The following CDH18 variants were observed in gnomAD, a reference collection of about 807,000 sequenced individuals.
CDH18 encodes the protein cadherin 18.
CDH18 carries 31 observed loss-of-function variants against 67.9 expected under a neutral mutation model. The observed-to-expected ratio is 0.46, with a 90% CI of 0.34 to 0.62. The LOEUF (loss-of-function observed/expected upper bound fraction) is 0.62, where lower values mean the gene tolerates loss of function less well. Ranked by LOEUF, CDH18 falls within the 20% of genes least tolerant of loss-of-function variation. The pLI is 0.01. For synonymous variants in CDH18, 362 were observed against 347.2 expected, an observed-to-expected ratio of 1.04 and a Z score of -0.48; for missense variants, 890 against 975.5, an observed-to-expected ratio of 0.91 and a Z score of 1.17.
At chr5:19,990,676 T>C (rs1799930362), upstream of CDH18, among the ~76,000 whole-genome samples, 1 of 152,182 alleles carries the variant, frequency 6.6e-6, no homozygotes, top group South Asian at 2.1e-4. Flanking sequence ...GAGTTTGACA[T>C]TCTGAAACTG....
intron 6 of CDH18, among the ~76,000 whole-genome samples, chr5:19,593,215 A>G (rs1292865006): frequency 6.6e-6 from 1 of 152,068 alleles, no homozygotes; most frequent in Non-Finnish European, 1.5e-5. Flanking sequence ...TAGTAATTTT[A>G]CTTTTAATTT....
At chr5:19,986,982 T>A (rs1347879606) in intron 1 of CDH18, among the ~76,000 whole-genome samples, 1 of 152,170 alleles carries the variant, frequency 6.6e-6, no homozygotes, top group African/African-American at 2.4e-5. Context: ...TTTGGCTGCA[T>A]AACAAAATCT....
intron 2 of CDH18, among the ~76,000 whole-genome samples, chr5:20,163,782 A>G (rs2126621528): frequency 6.6e-6 from 1 of 152,344 alleles, no homozygotes; most frequent in South Asian, 2.1e-4. Context: ...TCAGCTAATT[A>G]TGTTGCTGTG....
chr5:20,285,553 G>A (rs905624418), intron 1 of CDH18, among the ~76,000 whole-genome samples: 3 of 150,996 alleles, frequency 2.0e-5, no homozygotes, highest in East Asian at 1.9e-4. Context: ...TTTCTCTTCC[G>A]TGTATAAATA....
intron 1 of CDH18, among the ~76,000 whole-genome samples, chr5:20,279,730 C>CAAAAAAAAAAAAAA (rs1309866477): frequency 7.9e-4 from 53 of 66,684 alleles, no homozygotes; most frequent in East Asian, 1.6e-3. Context: ...AAAAAAAAAG[C>CAAAAAAAAAAAAAA]AAAAACTGTA....
At chr5:20,114,917 G>A (rs559852765) in intron 2 of CDH18, among the ~76,000 whole-genome samples, 17 of 152,148 alleles carry the variant, frequency 1.1e-4, no homozygotes, top group Non-Finnish European at 2.5e-4. Context: ...GAGGAGAAGA[G>A]GTGGGGCTAT....
intron 1 of CDH18, among the ~76,000 whole-genome samples, chr5:20,303,577 C>G (rs1345868061): frequency 2.0e-5 from 3 of 152,214 alleles, no homozygotes; most frequent in African/African-American, 7.2e-5. Flanking sequence ...CAGCCCGGTT[C>G]ATTTGGTAAC....
chr5:19,643,586 A>G (rs1478087677), intron 5 of CDH18, among the ~76,000 whole-genome samples: 2 of 152,166 alleles, frequency 1.3e-5, no homozygotes, highest in Non-Finnish European at 2.9e-5. Flanking sequence ...CAGAAAGACA[A>G]GTACTGCATA....
At chr5:19,530,931 C>T (rs538787589) in intron 9 of CDH18, among the ~76,000 whole-genome samples, 13 of 152,278 alleles carry the variant, frequency 8.5e-5, no homozygotes, top group East Asian at 1.9e-4. Flanking sequence ...CGCCCTGCTT[C>T]GGCTCGCGCA....
At chr5:20,346,528 T>C (rs1740714824) in intron 1 of CDH18, among the ~76,000 whole-genome samples, 1 of 152,108 alleles carries the variant, frequency 6.6e-6, no homozygotes, top group Non-Finnish European at 1.5e-5. Context: ...AAAATACCAC[T>C]ATCTTTTATG....
intron 3 of CDH18, among the ~76,000 whole-genome samples, chr5:19,752,470 T>C (rs1246969877): frequency 2.0e-5 from 3 of 152,012 alleles, no homozygotes; most frequent in Admixed American, 6.6e-5. Context: ...CCTAGGTACA[T>C]AACTCCATTG....
chr5:20,030,690 C>G (rs190679558), intron 2 of CDH18, among the ~76,000 whole-genome samples: 100 of 151,912 alleles, frequency 6.6e-4, no homozygotes, highest in Non-Finnish European at 2.2e-4. Flanking sequence ...TGTGAATGGC[C>G]AAAAAAGGGC....
At chr5:20,209,139 G>A (rs1445278829) in intron 2 of CDH18, among the ~76,000 whole-genome samples, 1 of 152,054 alleles carries the variant, frequency 6.6e-6, no homozygotes, top group Non-Finnish European at 1.5e-5. Context: ...GGGAATGTGT[G>A]TATACTGTTG....
At chr5:20,052,177 T>C (rs1466525691) in intron 2 of CDH18, among the ~76,000 whole-genome samples, 1 of 152,138 alleles carries the variant, frequency 6.6e-6, no homozygotes, top group Non-Finnish European at 1.5e-5. Context: ...GAATAGCAAC[T>C]AAGTTCTACA....
At chr5:19,677,057 G>A (rs13175546) in intron 5 of CDH18, among the ~76,000 whole-genome samples, 86,646 of 151,836 alleles carry the variant, frequency 0.57, 27,209 homozygotes, top group East Asian at 0.74. Flanking sequence ...ATTTGCTGCC[G>A]GTAATTTGAA....
chr5:20,101,737 A>G (rs866084404), intron 2 of CDH18, among the ~76,000 whole-genome samples: 32 of 152,302 alleles, frequency 2.1e-4, no homozygotes, highest in African/African-American at 7.2e-4. Flanking sequence ...GAAGATCAAT[A>G]ATAGACAATG....
chr5:19,869,786 T>G lies in CDH18; in HGVS notation c.-256-30544A>C, dbSNP rs141816015. On this transcript the variant is annotated intron_variant, in intron 2 of 12. Transcript: ENST00000382275. ...TTGGGACAGCTAATGAGTAGTTCCG[T>G]TTCAATTCACATTTCTAGATAATTC... Among the ~76,000 whole-genome samples the G allele has an allele frequency of 3.4e-3, 510 of 152,190 alleles. 2 individuals are homozygous for G. The highest frequency in any genetic ancestry group is 0.011 in the African/African-American group (473 of 41,560).
intron 5 of CDH18, among the ~76,000 whole-genome samples, chr5:19,616,097 C>G (rs999184859): frequency 2.0e-5 from 3 of 152,010 alleles, no homozygotes; most frequent in Admixed American, 6.6e-5. Context: ...AAATTGTGAA[C>G]AGTGTTGAAA....
At chr5:19,508,381 T>C (rs575474424) in intron 10 of CDH18, among the ~76,000 whole-genome samples, 28 of 152,238 alleles carry the variant, frequency 1.8e-4, no homozygotes, top group African/African-American at 6.7e-4. Context: ...ACCTTGCTAT[T>C]TCTTTGTCCA....
Sources: allele counts gnomAD v4.1 joint callset (sites outside exome capture counted in the v4.1 genomes callset), GRCh38; gene constraint gnomAD v4.1.1; transcripts MANE v1.5; gene names NCBI Gene and HGNC (gene_info 2026-07-23, HGNC 2026-07-21).